The following ABCA13 variants were observed in gnomAD, a reference collection of about 807,000 sequenced individuals.
ABCA13 encodes the protein ATP-binding cassette sub-family A member 13.
A neutral mutation model predicts 478.7 loss-of-function variants in ABCA13; 476 were observed. That is an observed-to-expected ratio of 0.99 (90% CI 0.92 to 1.07). ABCA13 has a LOEUF of 1.07. ABCA13 is among the 50% of genes least tolerant of loss of function. The pLI is 0.00. For missense variants in ABCA13, 6,060 were observed against 5,910.6 expected (o/e 1.03, Z -0.83); for synonymous variants, 2,252 against 2,158.9 (o/e 1.04, Z -1.20).
chr7:48,352,512 C>T (rs751120288), intron 31 of ABCA13, 25 bp downstream of exon 31: 4 of 1,554,594 alleles, frequency 2.6e-6, no homozygotes, highest in Non-Finnish European at 3.5e-6. Context: ...GCAGGAGCCA[C>T]CGACAGTGAG....
chr7:48,323,684 C>A (rs576933854), intron 27 of ABCA13, among the ~76,000 whole-genome samples: 30 of 152,284 alleles, frequency 2.0e-4, no homozygotes, highest in Non-Finnish European at 3.4e-4. Context: ...GGTCACACAC[C>A]TATCAAGTGG....
Position 48,313,728 on chromosome 7 carries a change from C to T in ABCA13, c.9681+497C>T, listed in dbSNP as rs1013076919. ...TGCCTGGGATGGAACTGACTGGGCA[C>T]GAATGAGGAGGAGTGTGGAAATTTT... On this transcript the variant is annotated intron_variant, in intron 25 of 61. Transcript: ENST00000435803. Among the ~76,000 whole-genome samples, 20 of 152,178 alleles carry T rather than the reference C, an allele frequency of 1.3e-4. No individual in the cohort carries two copies. The East Asian group carries it at 1.7e-3, about 13-fold the overall frequency.
chr7:48,198,412 G>T, intron 3 of ABCA13, 52 bp downstream of exon 3: 1 of 1,598,408 alleles, frequency 6.3e-7, no homozygotes. Flanking sequence ...CTGATACATA[G>T]AACAGGCTTC....
chr7:48,416,851 C>T lies in ABCA13; in HGVS notation c.12459+4268C>T, dbSNP rs113293620. Among the ~76,000 whole-genome samples, 664 of 152,162 alleles carry T rather than the reference C, an allele frequency of 4.4e-3. 1 individual carries two copies. The highest frequency in any genetic ancestry group is 7.2e-3 in the Non-Finnish European group (489 of 67,992). On this transcript the variant is annotated intron_variant, in intron 41 of 61. Transcript: ENST00000435803. ...TCCCCACTCTCTTCCCTACAGAGCT[C>T]GGGCCTGTTAAGAGCTTGCTGTACT...
At position 48,297,238 on chromosome 7, in the gene ABCA13, CA is replaced by C; in HGVS notation, c.9130del (p.Ser3044AlafsTer13). ...TVQQHLYMLA[K>X]SLEETWSSGN... ...TAATTTTCTGCCATTTTAGGTTGGC[CA>C]AAAGCCTCGAGGAAACTTGGTCATC... is the stretch of plus-strand genomic sequence containing the variant. On this transcript the variant is annotated frameshift_variant, in exon 22 of 62. Transcript: ENST00000435803. LOFTEE classifies it high-confidence loss of function. 1.9e-6 allele frequency: 3 copies of C among 1,603,382 alleles called. No homozygotes were observed. The highest frequency in any genetic ancestry group is 1.3e-5 in the African/African-American group (1 of 74,858).
Position 48,279,480 on chromosome 7 carries a change from G to A in ABCA13, c.8286G>A (p.Met2762Ile), listed in dbSNP as rs1169566311. ...KDNWNVSNVLMTFTQHPNNLL... is the reference protein window; with the variant it reads ...KDNWNVSNVLITFTQHPNNLL... ...ATTGGAATGTTTCTAATGTGTTGAT[G>A]ACATTTACTCAGCATCCAAATAACC... The change falls in exon 18 of 62, where the codon ATG (methionine) becomes ATA (isoleucine). Residue 2762 changes from methionine (M) to isoleucine (I), a missense_variant. This residue lies in a region of ABCA13 where 4,423 missense variants were observed against 4,309.1 expected (regional missense o/e 1.03). Transcript: ENST00000435803. 3 of 1,612,040 alleles carry A rather than the reference G, an allele frequency of 1.9e-6. No individual in the cohort carries two copies. The highest frequency in any genetic ancestry group is 1.3e-5 in the African/African-American group (1 of 74,996).
At chr7:48,465,004 G>A (rs1826708307) in intron 43 of ABCA13, among the ~76,000 whole-genome samples, 1 of 152,088 alleles carries the variant, frequency 6.6e-6, no homozygotes, top group Admixed American at 6.5e-5. Context: ...TGGAGATACC[G>A]AGACAGAGGG....
At chr7:48,223,996 G>C (rs951862623) in intron 5 of ABCA13, among the ~76,000 whole-genome samples, 5 of 150,944 alleles carry the variant, frequency 3.3e-5, no homozygotes, top group Admixed American at 2.6e-4. Context: ...GAGAGAGAAT[G>C]GGGGCAGGTA....
chr7:48,499,341 A>G (rs1256384909), intron 48 of ABCA13, among the ~76,000 whole-genome samples: 1 of 152,230 alleles, frequency 6.6e-6, no homozygotes, highest in Non-Finnish European at 1.5e-5. Context: ...TTCCACATAT[A>G]TTGATGATAA....
intron 35 of ABCA13, among the ~76,000 whole-genome samples, chr7:48,385,605 G>A (rs927405467): frequency 6.6e-6 from 1 of 152,100 alleles, no homozygotes; most frequent in African/African-American, 2.4e-5. Flanking sequence ...ATTATGAATA[G>A]TGCCACAAAG....
chr7:48,347,521 G>A (rs1808300843), intron 29 of ABCA13, among the ~76,000 whole-genome samples: 1 of 152,198 alleles, frequency 6.6e-6, no homozygotes, highest in South Asian at 2.1e-4. Context: ...GAAGGAAATA[G>A]ATAGAGAAAA....
At chr7:48,262,319 G>A (rs546310267) in intron 15 of ABCA13, among the ~76,000 whole-genome samples, 4 of 151,780 alleles carry the variant, frequency 2.6e-5, no homozygotes, top group African/African-American at 9.7e-5. Flanking sequence ...TGGAGAGAGT[G>A]TGTTAGAATT....
intron 55 of ABCA13, among the ~76,000 whole-genome samples, chr7:48,547,214 C>G (rs951402211): frequency 1.3e-5 from 2 of 151,792 alleles, no homozygotes; most frequent in Non-Finnish European, 2.9e-5. Context: ...ATCATCATAT[C>G]AAAATGTTTT....
chr7:48,244,788 C>A, intron 11 of ABCA13, 85 bp downstream of exon 11: 1 of 1,473,906 alleles, frequency 6.8e-7, no homozygotes, highest in Non-Finnish European at 9.0e-7. Flanking sequence ...AACTGCCTGA[C>A]ACATTGTAAA....
At chr7:48,359,667 A>T (rs1023159848) in intron 31 of ABCA13, among the ~76,000 whole-genome samples, 12 of 151,964 alleles carry the variant, frequency 7.9e-5, no homozygotes, top group African/African-American at 2.9e-4. Flanking sequence ...GGCCGGGCTG[A>T]TGTGAGAGGT....
chr7:48,448,200 C>T (rs1824536923), intron 42 of ABCA13, among the ~76,000 whole-genome samples: 1 of 152,116 alleles, frequency 6.6e-6, no homozygotes, highest in African/African-American at 2.4e-5. Context: ...TATGGTGCAG[C>T]AAAATTATCT....
chr7:48,492,317 C>A (rs1456432258), intron 48 of ABCA13, among the ~76,000 whole-genome samples: 2 of 152,192 alleles, frequency 1.3e-5, no homozygotes, highest in Admixed American at 1.3e-4. Context: ...TTAAGCATTT[C>A]TGCTTAACTT....
intron 47 of ABCA13, among the ~76,000 whole-genome samples, chr7:48,487,907 G>A (rs978975961): frequency 2.0e-5 from 3 of 152,152 alleles, no homozygotes; most frequent in African/African-American, 7.2e-5. Flanking sequence ...GTTCACTTTT[G>A]ACTTTTCCAT....
At chr7:48,178,396 C>T (rs1381262146) in intron 1 of ABCA13, among the ~76,000 whole-genome samples, 2 of 152,068 alleles carry the variant, frequency 1.3e-5, no homozygotes, top group Non-Finnish European at 2.9e-5. Context: ...GAATAGTGGC[C>T]GGGCATGGTG....
Sources: gnomAD v4.1 joint callset for allele counts (sites outside exome capture counted in the v4.1 genomes callset) on GRCh38, gnomAD v4.1.1 for gene constraint, gnomAD v4.1.1 regional missense constraint, MANE v1.5 for transcripts, NCBI Gene and HGNC (gene_info 2026-07-23, HGNC 2026-07-21) for gene names.